The following LMBR1 variants were observed in gnomAD, a reference collection of about 807,000 sequenced individuals.
LMBR1 encodes limb development membrane protein 1.
LMBR1 carries 52 observed loss-of-function variants against 73.9 expected under a neutral mutation model. The observed-to-expected ratio is 0.70, with a 90% CI of 0.56 to 0.89. The LOEUF is 0.89. Among genes scored for constraint, LMBR1 ranks in the 40% least tolerant of loss-of-function variants. The probability of loss-of-function intolerance (pLI) is 0.00; values close to 1 mark genes in which losing one functional copy is unlikely to be tolerated. For synonymous variants in LMBR1, 215 were observed against 209.4 expected (o/e 1.03, Z -0.23); for missense variants, 539 against 579.8 (o/e 0.93, Z 0.72).
intron 1 of LMBR1, among the ~76,000 whole-genome samples, chr7:156,882,727 T>C (rs889449875): frequency 2.0e-5 from 3 of 151,508 alleles, no homozygotes; most frequent in East Asian, 1.9e-4. Context: ...AACAATATAA[T>C]TGCACACTTA....
intron 3 of LMBR1, among the ~76,000 whole-genome samples, chr7:156,829,115 G>A (rs1836214526): frequency 6.6e-6 from 1 of 152,222 alleles, no homozygotes; most frequent in Non-Finnish European, 1.5e-5. Flanking sequence ...GCATACAGGG[G>A]CAGGACTTGC....
At position 156,806,828 on chromosome 7, in the gene LMBR1, T is replaced by A. The variant is rs552926405; in HGVS notation, c.320-10336A>T. The stretch of plus-strand genomic sequence containing the variant: ...GGTTTCACCACATTGGTCAGACTGG[T>A]CTCGAACTCCTGACCTCAGGTGATC... On this transcript the variant is annotated intron_variant, in intron 4 of 16. Coordinates refer to ENST00000353442, the MANE Select transcript of LMBR1 (RefSeq NM_022458.4). 5.3e-5 allele frequency among the ~76,000 whole-genome samples: 8 copies of A among 152,162 alleles called. No homozygotes were observed. In the East Asian group the frequency reaches 1.5e-3, roughly 29 times the overall value.
At chr7:156,772,070 T>G (rs1297262577) in intron 5 of LMBR1, among the ~76,000 whole-genome samples, 1 of 151,804 alleles carries the variant, frequency 6.6e-6, no homozygotes, top group East Asian at 1.9e-4. Context: ...GGTCAGGGGT[T>G]CAAGACCAGC....
intron 1 of LMBR1, among the ~76,000 whole-genome samples, chr7:156,858,336 GAATA>G (rs1165640394): frequency 6.6e-6 from 1 of 152,094 alleles, no homozygotes; most frequent in African/African-American, 2.4e-5. Flanking sequence ...AAACTTAGAT[GAATA>G]AATACCTTCA....
intron 15 of LMBR1, among the ~76,000 whole-genome samples, chr7:156,707,909 CATG>C: frequency 6.6e-6 from 1 of 152,078 alleles, no homozygotes; most frequent in East Asian, 1.9e-4. Context: ...CCTGTTCGTT[CATG>C]ATATGATCTT....
At chr7:156,771,031 T>C (rs1006108360) in intron 5 of LMBR1, among the ~76,000 whole-genome samples, 3 of 151,918 alleles carry the variant, frequency 2.0e-5, no homozygotes, top group Admixed American at 1.3e-4. Flanking sequence ...TTCTGATAAA[T>C]GTCTGGCTAG....
At chr7:156,796,580 A>G (rs1000527674) in intron 4 of LMBR1, 88 bp from the exon 5 acceptor site, 26 of 716,578 alleles carry the variant, frequency 3.6e-5, no homozygotes, top group Non-Finnish European at 5.6e-5. Flanking sequence ...TAAATAGTAA[A>G]AATAAACAAA....
Position 156,732,138 on chromosome 7 carries a change from GCAA to G in LMBR1, c.838+2036_838+2038del, listed in dbSNP as rs564236735. Among the ~76,000 whole-genome samples the G allele has an allele frequency of 4.7e-3, 716 of 152,080 alleles. 4 individuals carry two copies. The highest frequency in any genetic ancestry group is 8.7e-3 in the Non-Finnish European group (592 of 67,990). On this transcript the variant is annotated intron_variant, in intron 10 of 16. Transcript: ENST00000353442. Reference sequence around the variant, plus strand: ...CTGGACTTCCACTTCTGAAGCTGCGGCAACAACAGGGACCAGGTGTGTCATCCA... The same window carrying G: ...CTGGACTTCCACTTCTGAAGCTGCGGCAACAGGGACCAGGTGTGTCATCCA...
chr7:156,719,977 C>T (rs372389934), intron 15 of LMBR1, among the ~76,000 whole-genome samples: 7 of 151,568 alleles, frequency 4.6e-5, no homozygotes, highest in South Asian at 2.1e-4. Context: ...AAGACTTAAA[C>T]GTTAGACCTA....
chr7:156,800,747 G>A (rs1355714822), intron 4 of LMBR1, among the ~76,000 whole-genome samples: 1 of 152,182 alleles, frequency 6.6e-6, no homozygotes, highest in African/African-American at 2.4e-5. Flanking sequence ...TGGAAAGGAT[G>A]CACCATTCTA....
chr7:156,768,671 T>G (rs1265378541), intron 5 of LMBR1, among the ~76,000 whole-genome samples: 1 of 152,102 alleles, frequency 6.6e-6, no homozygotes, highest in Admixed American at 6.5e-5. Flanking sequence ...CTTTTTCACA[T>G]GAAACCTTGA....
At chr7:156,793,885 C>A (rs1336573627) in intron 5 of LMBR1, among the ~76,000 whole-genome samples, 1 of 152,092 alleles carries the variant, frequency 6.6e-6, no homozygotes, top group African/African-American at 2.4e-5. Context: ...TAGAAAGCAA[C>A]CCCGCGGTTT....
At chr7:156,803,142 T>C (rs1252260810) in intron 4 of LMBR1, among the ~76,000 whole-genome samples, 1 of 152,028 alleles carries the variant, frequency 6.6e-6, no homozygotes, top group Non-Finnish European at 1.5e-5. Flanking sequence ...AAAGCCAAAA[T>C]TGACAAATGG....
chr7:156,749,745 A>G (rs1429322021), intron 9 of LMBR1, among the ~76,000 whole-genome samples: 2 of 152,078 alleles, frequency 1.3e-5, no homozygotes, highest in Non-Finnish European at 2.9e-5. Flanking sequence ...GCTGGGGTGC[A>G]ATGGCGTGAT....
At chr7:156,748,518 T>C (rs1479163856) in intron 9 of LMBR1, among the ~76,000 whole-genome samples, 1 of 152,196 alleles carries the variant, frequency 6.6e-6, no homozygotes, top group Non-Finnish European at 1.5e-5. Flanking sequence ...AGGCGGAGTC[T>C]TGCTCTGTTG....
At chr7:156,733,306 AAATC>A (rs1440104324) in intron 10 of LMBR1, among the ~76,000 whole-genome samples, 1 of 152,242 alleles carries the variant, frequency 6.6e-6, no homozygotes, top group Non-Finnish European at 1.5e-5. Context: ...TGAGGTAAAA[AAATC>A]AATCAATCAA....
At chr7:156,676,364 T>A (rs1306384700), downstream of LMBR1, 1 of 1,613,794 alleles carries the variant, frequency 6.2e-7, no homozygotes, top group Admixed American at 1.7e-5. Context: ...TTTAAGTAAC[T>A]TTCTGCTGTG....
chr7:156,768,745 G>A (rs1009770725), intron 5 of LMBR1, among the ~76,000 whole-genome samples: 17 of 152,194 alleles, frequency 1.1e-4, no homozygotes, highest in African/African-American at 3.9e-4. Context: ...TAGGAGGCCT[G>A]TTAAGCTTCT....
rs537383359 is a variant in LMBR1 at position 156,779,594 on chromosome 7, T to C, written c.424-15799A>G. ...ATGATATAATTGCTTCTTGGAATTTTTGTGCTGGTCAATTATACATTTAAT... is the reference window on the plus strand; with the variant it reads ...ATGATATAATTGCTTCTTGGAATTTCTGTGCTGGTCAATTATACATTTAAT... On this transcript the variant is annotated intron_variant, in intron 5 of 16. Transcript: ENST00000353442. The C allele has an allele frequency of 4.6e-5, 40 of 862,218 alleles. No homozygotes were observed. The South Asian group carries it at 6.1e-4, about 13-fold the overall frequency. 53.4% of individuals were successfully genotyped at this position (862,218 alleles called of 1,614,324 possible).
Sources: allele counts gnomAD v4.1 joint callset (sites outside exome capture counted in the v4.1 genomes callset), GRCh38; gene constraint gnomAD v4.1.1; transcripts MANE v1.5; gene names NCBI Gene and HGNC (gene_info 2026-07-23, HGNC 2026-07-21).